PDE10A: variants seen among roughly 807,000 people sequenced by gnomAD.
The protein encoded by PDE10A is phosphodiesterase 10A.
Under a neutral mutation model 97.7 loss-of-function variants are expected in PDE10A, and 39 were observed. That is an observed-to-expected ratio of 0.40 (90% confidence interval 0.31 to 0.52). The LOEUF (loss-of-function observed/expected upper bound fraction) is 0.52, where lower values mean the gene tolerates loss of function less well. Among genes scored for constraint, PDE10A ranks in the 20% least tolerant of loss-of-function variants. The pLI is 0.56. For missense variants in PDE10A, 731 were observed against 1,047.8 expected (o/e 0.70, Z 4.17); for synonymous variants, 371 against 376.8 (o/e 0.98, Z 0.18).
intron 1 of PDE10A, among the ~76,000 whole-genome samples, chr6:165,734,120 T>G (rs1275823608): frequency 6.6e-6 from 1 of 152,162 alleles, no homozygotes; most frequent in Non-Finnish European, 1.5e-5. Context: ...AGAGAGAGAC[T>G]GCAAAGGACC....
At chr6:165,943,172 GAAAA>G (rs371876255) in intron 1 of PDE10A, among the ~76,000 whole-genome samples, 1 of 60,224 alleles carries the variant, frequency 1.7e-5, no homozygotes, top group Non-Finnish European at 3.0e-5. Flanking sequence ...AAGAAAGAAA[GAAAA>G]AAGAAAGAAA....
At chr6:165,949,492 G>A (rs1007161137) in intron 1 of PDE10A, 4 of 151,498 alleles carry the variant, frequency 2.6e-5, no homozygotes, top group Non-Finnish European at 5.9e-5. Context: ...ATCGGATGAT[G>A]ACTGGGGTGA....
intron 1 of PDE10A, among the ~76,000 whole-genome samples, chr6:165,723,840 G>A (rs1792224953): frequency 7.5e-6 from 1 of 133,974 alleles, no homozygotes; most frequent in Non-Finnish European, 1.6e-5. Context: ...CGAGAAATAA[G>A]ATAAAGGTGT....
chr6:165,432,765 A>T (rs1430711035), intron 7 of PDE10A, among the ~76,000 whole-genome samples: 1 of 152,200 alleles, frequency 6.6e-6, no homozygotes, highest in South Asian at 2.1e-4. Context: ...TAACAAAAGG[A>T]CCATATCTCT....
chr6:165,812,552 G>A (rs1779310017), intron 1 of PDE10A, among the ~76,000 whole-genome samples: 1 of 152,172 alleles, frequency 6.6e-6, no homozygotes, highest in South Asian at 2.1e-4. Flanking sequence ...AATCAATGGA[G>A]CTATTTTAAG....
chr6:165,932,918 C>G (rs1328170626), intron 1 of PDE10A, among the ~76,000 whole-genome samples: 2 of 152,198 alleles, frequency 1.3e-5, no homozygotes, highest in African/African-American at 4.8e-5. Context: ...GGAGACCAGG[C>G]AGAGTTCACC....
At chr6:165,736,685 T>C (rs2128452342) in intron 1 of PDE10A, among the ~76,000 whole-genome samples, 1 of 152,314 alleles carries the variant, frequency 6.6e-6, no homozygotes, top group South Asian at 2.1e-4. Flanking sequence ...CCATGATAAA[T>C]GTCTATGTTA....
intron 1 of PDE10A, among the ~76,000 whole-genome samples, chr6:165,609,380 T>C (rs896563059): frequency 6.6e-6 from 1 of 152,214 alleles, no homozygotes; most frequent in Non-Finnish European, 1.5e-5. Flanking sequence ...CAGCTATTTA[T>C]GACAAACCAC....
chr6:165,428,921 G>A (rs1000864598), intron 9 of PDE10A, among the ~76,000 whole-genome samples: 1 of 151,912 alleles, frequency 6.6e-6, no homozygotes. Context: ...CTCAGCATGA[G>A]GGCTCTATAA....
chr6:165,474,693 T>G (rs1030270827), intron 3 of PDE10A, among the ~76,000 whole-genome samples: 1 of 151,984 alleles, frequency 6.6e-6, no homozygotes, highest in South Asian at 2.1e-4. Flanking sequence ...AAAATCCATT[T>G]TACGCAACTT....
chr6:165,543,260 T>G (rs796677276), intron 2 of PDE10A, among the ~76,000 whole-genome samples, 180 bp downstream of exon 2: 1 of 152,344 alleles, frequency 6.6e-6, no homozygotes, highest in African/African-American at 2.4e-5. Context: ...CACGGATCTT[T>G]CTTTTGTATT....
intron 1 of PDE10A, among the ~76,000 whole-genome samples, chr6:165,782,659 T>C (rs1464028671): frequency 1.3e-5 from 2 of 152,230 alleles, no homozygotes; most frequent in Non-Finnish European, 2.9e-5. Context: ...TGGGTCCATG[T>C]ATAACGTAGT....
chr6:165,883,496 C>T (rs1282943382), intron 1 of PDE10A, among the ~76,000 whole-genome samples: 1 of 150,770 alleles, frequency 6.6e-6, no homozygotes, highest in Non-Finnish European at 1.5e-5. Flanking sequence ...GCTAAGACCA[C>T]GCCACTGCAC....
At chr6:165,969,343 G>C (rs1365836348) in intron 1 of PDE10A, among the ~76,000 whole-genome samples, 1 of 152,132 alleles carries the variant, frequency 6.6e-6, no homozygotes, top group Non-Finnish European at 1.5e-5. Flanking sequence ...AGCCTGGAGG[G>C]GGTAGGGACA....
chr6:165,725,991 T>C (rs1792285342), intron 1 of PDE10A, among the ~76,000 whole-genome samples: 1 of 152,218 alleles, frequency 6.6e-6, no homozygotes, highest in Non-Finnish European at 1.5e-5. Flanking sequence ...GCACTACCCA[T>C]GTTCTCCAGA....
chr6:165,338,689 G>C (rs1781790356), intron 20 of PDE10A, among the ~76,000 whole-genome samples: 2 of 152,124 alleles, frequency 1.3e-5, no homozygotes, highest in Non-Finnish European at 2.9e-5. Context: ...TTTTCTGCTT[G>C]TTAAAAATAA....
intron 3 of PDE10A, among the ~76,000 whole-genome samples, chr6:165,457,677 A>C (rs1399868535): frequency 6.6e-6 from 1 of 152,186 alleles, no homozygotes; most frequent in Non-Finnish European, 1.5e-5. Flanking sequence ...GTGGTGCCTC[A>C]GGGCATTTGG....
At position 165,662,720 on chromosome 6, in the gene PDE10A, C is replaced by A. The variant is rs1790350005; in HGVS notation, c.92G>T (p.Arg31Leu). ...GGCCGCGCTGAGCCGGGGTTCCGGG[C>A]GGAGTTTGCCGGGGCCGCAGCCCGG... Reference protein sequence around the residue: ...DEPGCGPGKLRPEPRLSAAGG... With the variant: ...DEPGCGPGKLLPEPRLSAAGG... Residue 31 changes from arginine to leucine, a missense_variant, in exon 1 of 22, where the codon CGC (arginine) becomes CTC (leucine). Transcript: ENST00000539869. 6.8e-6 allele frequency among the ~76,000 whole-genome samples: 1 copy of A among 147,246 alleles called. No homozygotes were observed. Among genetic ancestry groups the A allele is most frequent in the African/African-American group, 2.5e-5 (1 of 40,662 alleles).
At chr6:165,433,415 C>A (rs946395536) in intron 6 of PDE10A, among the ~76,000 whole-genome samples, 1 of 152,106 alleles carries the variant, frequency 6.6e-6, no homozygotes, top group African/African-American at 2.4e-5. Flanking sequence ...AAAAAGTAAT[C>A]ATAAATGCTG....
Sources: gnomAD v4.1 joint callset for allele counts (sites outside exome capture counted in the v4.1 genomes callset) on GRCh38, gnomAD v4.1.1 for gene constraint, MANE v1.5 for transcripts, NCBI Gene and HGNC (gene_info 2026-07-23, HGNC 2026-07-21) for gene names.